CCDC6: variants seen among roughly 807,000 people sequenced by gnomAD.
CCDC6 encodes coiled-coil domain-containing protein 6.
In CCDC6, 20 loss-of-function variants were observed where a neutral mutation model predicts 56.6. The observed-to-expected ratio is 0.35, with a 90% CI of 0.25 to 0.51. The LOEUF (loss-of-function observed/expected upper bound fraction) is 0.51, where lower values mean the gene tolerates loss of function less well. Ranked by LOEUF, CCDC6 falls within the 20% of genes least tolerant of loss-of-function variation. The pLI is 0.95. For missense variants in CCDC6, 367 were observed against 601.1 expected (o/e 0.61, Z 4.07); for synonymous variants, 241 against 234.4 (o/e 1.03, Z -0.26).
At chr10:59,846,511 G>A (rs146793295) in intron 2 of CCDC6, among the ~76,000 whole-genome samples, 1 of 152,204 alleles carries the variant, frequency 6.6e-6, no homozygotes, top group Non-Finnish European at 1.5e-5. Flanking sequence ...TACCTCAGGA[G>A]CCAAGTCAAT....
chr10:59,798,275 T>C (rs1354963571), intron 7 of CCDC6, among the ~76,000 whole-genome samples: 1 of 152,262 alleles, frequency 6.6e-6, no homozygotes, highest in Non-Finnish European at 1.5e-5. Context: ...CTTACTGCTT[T>C]TCTGAATTAC....
intron 3 of CCDC6, among the ~76,000 whole-genome samples, chr10:59,828,462 A>C (rs2070807384): frequency 6.6e-6 from 1 of 152,242 alleles, no homozygotes; most frequent in Non-Finnish European, 1.5e-5. Context: ...AAAATAAATG[A>C]TTAAGAACTA....
At chr10:59,804,202 AAG>A in intron 7 of CCDC6, among the ~76,000 whole-genome samples, 1 of 151,740 alleles carries the variant, frequency 6.6e-6, no homozygotes, top group Admixed American at 6.6e-5. Context: ...AAAAAAAAAA[AAG>A]AAGAAGAAGA....
chr10:59,876,073 C>CTCTTTTTTTTT (rs2071277188), intron 1 of CCDC6, among the ~76,000 whole-genome samples: 1 of 97,586 alleles, frequency 1.0e-5, no homozygotes, highest in Non-Finnish European at 1.9e-5. Flanking sequence ...GCACAGATGT[C>CTCTTTTTTTTT]TTTTTTTTTT....
intron 1 of CCDC6, among the ~76,000 whole-genome samples, chr10:59,878,252 T>C (rs1025229073): frequency 1.3e-5 from 2 of 152,220 alleles, no homozygotes; most frequent in African/African-American, 4.8e-5. Context: ...TGGATGCTCA[T>C]AGCCAGACCT....
At chr10:59,843,698 T>C (rs534869752) in intron 2 of CCDC6, among the ~76,000 whole-genome samples, 3 of 152,222 alleles carry the variant, frequency 2.0e-5, no homozygotes, top group Admixed American at 6.5e-5. Context: ...CCTAGGATGA[T>C]AGTAACTTGC....
intron 1 of CCDC6, among the ~76,000 whole-genome samples, chr10:59,882,138 CCGCG>C (rs2071344981): frequency 1.1e-4 from 1 of 9,430 alleles, no homozygotes; most frequent in African/African-American, 4.5e-4. Context: ...GAAAGGAAAG[CCGCG>C]GGGAGAAGGA....
intron 1 of CCDC6, among the ~76,000 whole-genome samples, chr10:59,901,845 C>T (rs2071505506): frequency 6.6e-6 from 1 of 152,104 alleles, no homozygotes; most frequent in Admixed American, 6.5e-5. Context: ...TCATATAATC[C>T]ACAATCACAT....
chr10:59,826,522 G>A (rs2070788849), intron 3 of CCDC6, among the ~76,000 whole-genome samples: 1 of 152,160 alleles, frequency 6.6e-6, no homozygotes, highest in South Asian at 2.1e-4. Context: ...ACTCTGCCCA[G>A]TGCATCCCTC....
At chr10:59,878,477 CA>C (rs2071303319) in intron 1 of CCDC6, among the ~76,000 whole-genome samples, 1 of 152,202 alleles carries the variant, frequency 6.6e-6, no homozygotes, top group Admixed American at 6.5e-5. Context: ...GCCAGTTTCA[CA>C]ATCTATCCCA....
intron 1 of CCDC6, among the ~76,000 whole-genome samples, chr10:59,873,502 C>T (rs902604743): frequency 6.6e-6 from 1 of 152,108 alleles, no homozygotes; most frequent in Admixed American, 6.5e-5. Flanking sequence ...CTTACCAACA[C>T]CTTGATTTTG....
intron 1 of CCDC6, among the ~76,000 whole-genome samples, chr10:59,893,101 A>C (rs796218717): frequency 6.6e-6 from 1 of 152,372 alleles, no homozygotes; most frequent in African/African-American, 2.4e-5. Flanking sequence ...AGACACACAA[A>C]ATACATTCTG....
intron 7 of CCDC6, among the ~76,000 whole-genome samples, chr10:59,801,039 C>G (rs951560844): frequency 3.3e-5 from 5 of 152,090 alleles, no homozygotes; most frequent in Non-Finnish European, 5.9e-5. Flanking sequence ...ATGAAACCAA[C>G]TACTTAAAAG....
intron 1 of CCDC6, among the ~76,000 whole-genome samples, chr10:59,853,919 A>G (rs751055338): frequency 2.0e-5 from 3 of 152,210 alleles, no homozygotes; most frequent in Non-Finnish European, 4.4e-5. Context: ...CTAAACGGAA[A>G]AGCCTAACCA....
intron 2 of CCDC6, among the ~76,000 whole-genome samples, chr10:59,836,907 G>A (rs751851788): frequency 2.1e-4 from 32 of 152,294 alleles, no homozygotes; most frequent in Admixed American, 3.3e-4. Context: ...AAATGAAAAT[G>A]CAACTATATG....
At chr10:59,831,516 G>A (rs1216216400) in intron 3 of CCDC6, among the ~76,000 whole-genome samples, 1 of 152,112 alleles carries the variant, frequency 6.6e-6, no homozygotes, top group Non-Finnish European at 1.5e-5. Context: ...AGGTGCACAG[G>A]GAGAAGCCTG....
intron 1 of CCDC6, among the ~76,000 whole-genome samples, chr10:59,872,336 G>A (rs1374358768): frequency 6.6e-6 from 1 of 152,188 alleles, no homozygotes; most frequent in Non-Finnish European, 1.5e-5. Flanking sequence ...CCAACCTTGG[G>A]TATCAGTATT....
chr10:59,842,636 C>T (rs1207543319), intron 2 of CCDC6, among the ~76,000 whole-genome samples: 2 of 151,884 alleles, frequency 1.3e-5, no homozygotes. Context: ...ATGATTGAGG[C>T]TGTAGTATAA....
At chr10:59,889,633 T>C (rs1157081437) in intron 1 of CCDC6, among the ~76,000 whole-genome samples, 1 of 152,190 alleles carries the variant, frequency 6.6e-6, no homozygotes, top group Non-Finnish European at 1.5e-5. Context: ...AGGTGACCTC[T>C]GCAGGCTCCA....
Sources: allele counts gnomAD v4.1 joint callset (sites outside exome capture counted in the v4.1 genomes callset), GRCh38; gene constraint gnomAD v4.1.1; transcripts MANE v1.5; gene names NCBI Gene and HGNC (gene_info 2026-07-23, HGNC 2026-07-21).